Variants in DOK5 observed in about 807,000 individuals in gnomAD.
The protein encoded by DOK5 is downstream of tyrosine kinase 5.
DOK5 carries 27 observed loss-of-function variants against 43.3 expected under a neutral mutation model. The observed-to-expected ratio is 0.62, with a 90% CI of 0.46 to 0.86. The LOEUF is 0.86. DOK5 is among the 40% of genes least tolerant of loss of function. The pLI is 0.00. For synonymous variants in DOK5, 146 were observed against 140.1 expected, an observed-to-expected ratio of 1.04 and a Z score of -0.30; for missense variants, 373 against 392.9, an observed-to-expected ratio of 0.95 and a Z score of 0.43.
intron 6 of DOK5, among the ~76,000 whole-genome samples, chr20:54,638,958 G>A (rs1017508341): frequency 6.6e-6 from 1 of 152,056 alleles, no homozygotes; most frequent in African/African-American, 2.4e-5. Context: ...TAGGATTACA[G>A]GCAGGAGCCA....
intron 1 of DOK5, among the ~76,000 whole-genome samples, chr20:54,540,686 T>G (rs1156859038): frequency 6.6e-6 from 1 of 151,940 alleles, no homozygotes; most frequent in African/African-American, 2.4e-5. Flanking sequence ...CTGGATAATT[T>G]TTTTATTTTT....
At chr20:54,492,088 T>A (rs893316041) in intron 1 of DOK5, among the ~76,000 whole-genome samples, 1 of 151,886 alleles carries the variant, frequency 6.6e-6, no homozygotes, top group Non-Finnish European at 1.5e-5. Flanking sequence ...GTCATATATA[T>A]AAATTCTTTT....
chr20:54,513,059 A>AGCTCCT (rs915962187), intron 1 of DOK5, among the ~76,000 whole-genome samples: 2 of 152,046 alleles, frequency 1.3e-5, no homozygotes, highest in African/African-American at 4.8e-5. Context: ...TACATTTCCC[A>AGCTCCT]GCTCCTCAGC....
rs537000310 is a variant in DOK5, at chr20:54,553,682, G to A, written c.67-1251G>A. Among the ~76,000 whole-genome samples, 6 of 150,810 alleles carry A rather than the reference G, an allele frequency of 4.0e-5. No homozygotes were observed. In the South Asian group the frequency reaches 1.0e-3, roughly 26 times the overall value. On this transcript the variant is annotated intron_variant, in intron 1 of 7. Coordinates refer to ENST00000262593, the MANE Select transcript of DOK5 (RefSeq NM_018431.5). ...GAGGCCGAGGCGGGTGGATCATGAG[G>A]TGAGGAGTTTGAGTCCAGCCTGACC...
intron 5 of DOK5, among the ~76,000 whole-genome samples, chr20:54,593,259 A>AG (rs1023645950): frequency 2.8e-4 from 35 of 125,346 alleles, no homozygotes; most frequent in African/African-American, 1.6e-3. Flanking sequence ...TCTGTCTCCC[A>AG]GAAAAAAAAA....
chr20:54,645,499 C>G (rs757599779), intron 7 of DOK5, among the ~76,000 whole-genome samples: 47 of 152,066 alleles, frequency 3.1e-4, no homozygotes, highest in Admixed American at 2.6e-4. Context: ...GTCCTTTCTC[C>G]CCCAGGCAGC....
intron 6 of DOK5, among the ~76,000 whole-genome samples, chr20:54,626,116 G>A (rs1028646355): frequency 1.3e-5 from 2 of 152,206 alleles, no homozygotes; most frequent in Non-Finnish European, 2.9e-5. Context: ...CAGAGAAAGT[G>A]TGAAAGTTTT....
chr20:54,568,983 C>CAAA (rs10542523), intron 2 of DOK5, among the ~76,000 whole-genome samples: 16 of 96,196 alleles, frequency 1.7e-4, no homozygotes, highest in African/African-American at 5.9e-4. Flanking sequence ...GACTAAAACG[C>CAAA]AAAAAAAAAA....
At chr20:54,594,426 T>C (rs1986074147) in intron 5 of DOK5, among the ~76,000 whole-genome samples, 1 of 152,094 alleles carries the variant, frequency 6.6e-6, no homozygotes, top group Non-Finnish European at 1.5e-5. Flanking sequence ...AAAATCCCTA[T>C]AGAAAATGAA....
intron 2 of DOK5, among the ~76,000 whole-genome samples, chr20:54,575,293 T>C (rs1034465241): frequency 1.3e-5 from 2 of 152,210 alleles, no homozygotes; most frequent in East Asian, 3.8e-4. Flanking sequence ...GGAGTGATGG[T>C]GGACAGGCAT....
intron 6 of DOK5, among the ~76,000 whole-genome samples, chr20:54,627,647 G>A (rs754015408): frequency 4.6e-5 from 7 of 152,162 alleles, no homozygotes; most frequent in Non-Finnish European, 7.3e-5. Flanking sequence ...GTAAGGGTAC[G>A]GGAAAGAAAG....
chr20:54,580,316 A>C (rs1985596723), intron 2 of DOK5, among the ~76,000 whole-genome samples: 1 of 152,216 alleles, frequency 6.6e-6, no homozygotes, highest in Admixed American at 6.5e-5. Context: ...CATGGAAGTG[A>C]AAAGATCTCT....
intron 1 of DOK5, among the ~76,000 whole-genome samples, chr20:54,530,869 CACAT>C (rs1224261009): frequency 1.3e-5 from 2 of 152,040 alleles, no homozygotes; most frequent in Admixed American, 6.6e-5. Context: ...ATATATGACC[CACAT>C]AAGAATATAA....
At chr20:54,485,432 A>G (rs945039758) in intron 1 of DOK5, among the ~76,000 whole-genome samples, 1 of 151,666 alleles carries the variant, frequency 6.6e-6, no homozygotes, top group Admixed American at 6.6e-5. Flanking sequence ...TTTAAAACTC[A>G]ATATAATCCC....
intron 6 of DOK5, among the ~76,000 whole-genome samples, chr20:54,636,496 A>G (rs1169198062): frequency 6.6e-6 from 1 of 152,206 alleles, no homozygotes; most frequent in Non-Finnish European, 1.5e-5. Context: ...TGACAACCAG[A>G]TGGCCCCACT....
intron 1 of DOK5, among the ~76,000 whole-genome samples, chr20:54,541,323 C>A (rs1568774435): frequency 6.6e-6 from 1 of 152,210 alleles, no homozygotes; most frequent in Non-Finnish European, 1.5e-5. Context: ...CGACCTGCGC[C>A]TTTCCTGCCC....
intron 1 of DOK5, among the ~76,000 whole-genome samples, chr20:54,548,050 G>A (rs1984403583): frequency 6.6e-6 from 1 of 152,066 alleles, no homozygotes; most frequent in Non-Finnish European, 1.5e-5. Flanking sequence ...GAGGCCAGAG[G>A]TGCTACTAAA....
At chr20:54,497,016 C>A (rs981602595) in intron 1 of DOK5, among the ~76,000 whole-genome samples, 11 of 152,106 alleles carry the variant, frequency 7.2e-5, no homozygotes, top group Non-Finnish European at 1.6e-4. Context: ...CTTTCTATAC[C>A]ATGGCTACAT....
chr20:54,563,171 G>A (rs983189861), intron 2 of DOK5, among the ~76,000 whole-genome samples: 1 of 152,176 alleles, frequency 6.6e-6, no homozygotes, highest in Admixed American at 6.5e-5. Flanking sequence ...AACCAACCCT[G>A]CCAGCACCTT....
Sources: gnomAD v4.1 joint callset for allele counts (sites outside exome capture counted in the v4.1 genomes callset) on GRCh38, gnomAD v4.1.1 for gene constraint, MANE v1.5 for transcripts, NCBI Gene and HGNC (gene_info 2026-07-23, HGNC 2026-07-21) for gene names.